Variants in LRP1 observed in about 807,000 individuals in gnomAD.
The protein encoded by LRP1 is LDL receptor related protein 1.
In LRP1, 51 loss-of-function variants were observed where a neutral mutation model predicts 541.5. That is an observed-to-expected ratio of 0.09 (90% CI 0.08 to 0.12). The LOEUF (loss-of-function observed/expected upper bound fraction) is 0.12, where lower values mean the gene tolerates loss of function less well. Ranked by LOEUF, LRP1 falls within the 10% of genes least tolerant of loss-of-function variation. LRP1 has a pLI of 1.00. For synonymous variants in LRP1, 2,219 were observed against 2,470.8 expected (o/e 0.90, Z 3.02); for missense variants, 3,878 against 6,376.2 (o/e 0.61, Z 13.34).
At chr12:57,170,865 G>A (rs1275013696) in intron 20 of LRP1, among the ~76,000 whole-genome samples, 1 of 152,122 alleles carries the variant, frequency 6.6e-6, no homozygotes, top group Non-Finnish European at 1.5e-5. Flanking sequence ...TCTTCCTGCA[G>A]GCCTCATCTG....
chr12:57,194,921 T>G, intron 50 of LRP1, 64 bp from the exon 51 acceptor site: 2 of 1,377,832 alleles, frequency 1.5e-6, no homozygotes, highest in Non-Finnish European at 1.0e-6. Flanking sequence ...TCCCATGGCA[T>G]CAGCCTCCCC....
At position 57,187,316 on chromosome 12, in the gene LRP1, C is replaced by A; in HGVS notation, c.6891C>A (p.Leu2297=). 6.2e-7 allele frequency: 1 copy of A among 1,614,186 alleles called. No individual in the cohort carries two copies. Among genetic ancestry groups the A allele is most frequent in the Non-Finnish European group, 8.5e-7 (1 of 1,180,024 alleles). The change falls in exon 42 of 89, where the codon CTC becomes CTA. Residue 2297 remains leucine (L), a synonymous_variant. Coordinates refer to ENST00000243077, the MANE Select transcript of LRP1 (RefSeq NM_002332.3). Reference sequence around the variant, plus strand: ...CCTATCACCGTGGCTGGGACACTCTCTATTGGACAAGCTACACGACATCCA... The same window carrying A: ...CCTATCACCGTGGCTGGGACACTCTATATTGGACAAGCTACACGACATCCA... The part of the protein sequence containing the change: ...GLAYHRGWDT[L]YWTSYTTSTI...
At chr12:57,176,393 C>T (rs1193186584) in intron 24 of LRP1, among the ~76,000 whole-genome samples, 1 of 152,246 alleles carries the variant, frequency 6.6e-6, no homozygotes, top group Non-Finnish European at 1.5e-5. Context: ...AAAAAAGCCA[C>T]TTAGGAGTGG....
intron 60 of LRP1, among the ~76,000 whole-genome samples, 159 bp downstream of exon 60, chr12:57,198,829 G>A (rs577016881): frequency 1.2e-4 from 19 of 152,292 alleles, no homozygotes; most frequent in African/African-American, 4.3e-4. Flanking sequence ...AGAGCACCCC[G>A]GGGGCTTCCC....
At position 57,194,686 on chromosome 12, in the gene LRP1, C is replaced by T. The variant is rs182309785; in HGVS notation, c.8178C>T (p.Asp2726=). ...DKEDDCEHGE[D]ETHCNKFCSE... ...AGGATGACTGTGAACATGGCGAGGACGAGACCCACTGCAGTGAGTGACCAC... is the reference window on the plus strand; with the variant it reads ...AGGATGACTGTGAACATGGCGAGGATGAGACCCACTGCAGTGAGTGACCAC... The change falls in exon 50 of 89, where the codon GAC becomes GAT. Residue 2726 remains aspartate (D), a synonymous_variant. Coordinates refer to ENST00000243077, the MANE Select transcript of LRP1 (RefSeq NM_002332.3). The T allele has an allele frequency of 5.7e-6, 9 of 1,573,310 alleles. No individual in the cohort carries two copies. Among genetic ancestry groups the T allele is most frequent in the Middle Eastern group, 1.7e-4 (1 of 5,866 alleles).
rs1249752438 is a variant in LRP1, at chr12:57,193,553, C to T, written c.7685-13C>T. 1 of 1,612,662 alleles carries T rather than the reference C, an allele frequency of 6.2e-7. No homozygotes were observed. On this transcript the variant is annotated splice_polypyrimidine_tract_variant and intron_variant, in intron 46 of 88. Coordinates refer to ENST00000243077, the MANE Select transcript of LRP1 (RefSeq NM_002332.3). ...GCCTGTGGCTGACACGCAGCCTACTCCTCCATTTGCAGACTCCCGCCGCTG... is the reference window on the plus strand; with the variant it reads ...GCCTGTGGCTGACACGCAGCCTACTTCTCCATTTGCAGACTCCCGCCGCTG...
Position 57,156,326 on chromosome 12 carries a change from A to G in LRP1, c.1417+43A>G, listed in dbSNP as rs2035619367. 1 of 1,596,610 alleles carries G rather than the reference A, an allele frequency of 6.3e-7. No homozygotes were observed. The highest frequency in any genetic ancestry group is 1.3e-5 in the African/African-American group (1 of 74,564). ...GCCCCTCCAAAGCTGGCTTTACCCC[A>G]TGATGGCTCTGGGACCTTGGGATCA... On this transcript the variant is annotated intron_variant, in intron 9 of 88. Coordinates refer to ENST00000243077, the MANE Select transcript of LRP1 (RefSeq NM_002332.3). The surrounding 1 kb of genome is among the most constrained non-coding windows in gnomAD (Gnocchi z 5.2).
intron 54 of LRP1, 27 bp downstream of exon 54, chr12:57,196,030 G>T (rs369013493): frequency 6.2e-7 from 1 of 1,611,672 alleles, no homozygotes; most frequent in East Asian, 2.2e-5. Flanking sequence ...GCTCCCCTCT[G>T]CCCCCTCCCC....
rs1342709321 is a variant in LRP1, at chr12:57,180,354, G to A, written c.5261G>A (p.Ser1754Asn). ...GGCCTGGCTATTGACTTCCCTGAAA[G>A]CAAACTCTACTGGATCAGCTCCGGG... ...PVGLAIDFPE[S>N]KLYWISSGNH... is the part of the protein sequence containing the mutation. The change falls in exon 32 of 89, where the codon AGC (serine) becomes AAC (asparagine). Residue 1754 changes from serine to asparagine, a missense_variant. Around this residue, in one of 13 missense-constraint regions of LRP1, gnomAD observed 394 missense variants for 635.9 expected, o/e 0.62. Transcript: ENST00000243077. 1 of 1,614,108 alleles carries A rather than the reference G, an allele frequency of 6.2e-7. No individual in the cohort carries two copies. Among genetic ancestry groups the A allele is most frequent in the Admixed American group, 1.7e-5 (1 of 60,024 alleles).
chr12:57,169,198 C>T lies in LRP1; in HGVS notation c.3054C>T (p.Thr1018=). The change falls in exon 20 of 89, where the codon ACC becomes ACT. Residue 1018 remains threonine (T), a synonymous_variant. Transcript: ENST00000243077. ...GCTGCAGCCACTCCTGTTCTAGCAC[C>T]CAGTTCAAGTGCAACAGCGGGCGTT... ...EAGCSHSCSS[T]QFKCNSGRCI... 6.2e-7 allele frequency: 1 copy of T among 1,614,044 alleles called. No individual in the cohort carries two copies. The highest frequency in any genetic ancestry group is 8.5e-7 in the Non-Finnish European group (1 of 1,179,968).
Position 57,185,972 on chromosome 12 carries a change from T to TA in LRP1, c.6841+65dup, listed in dbSNP as rs2036262745. 3 of 1,529,882 alleles carry TA rather than the reference T, an allele frequency of 2.0e-6. No homozygotes were observed. The highest frequency in any genetic ancestry group is 2.0e-5 in the Admixed American group (1 of 50,602). 94.8% of individuals were successfully genotyped at this position (1,529,882 alleles called of 1,614,324 possible). A position where few individuals can be genotyped will look rare whatever the true frequency, so the allele number is the denominator to read the frequency against. ...TGGGGCGGGGAGCAGCACAGACTCT[T>TA]AGACCCCAGCCAGGCACTCTACCCT... is the stretch of plus-strand genomic sequence containing the variant. On this transcript the variant is annotated intron_variant, in intron 41 of 88. Coordinates refer to ENST00000243077, the MANE Select transcript of LRP1 (RefSeq NM_002332.3). This position sits in a 1 kb window ranked among gnomAD's most constrained non-coding sequence, Gnocchi z 4.9.
Position 57,181,158 on chromosome 12 carries a change from C to T in LRP1, c.5529C>T (p.Asp1843=). ...CCTCTGCCTCCCACCTGCCCCCAGA[C>T]CATAAGGGCACCAACCCCTGCAGTG... ...MKVYDESIQL[D]HKGTNPCSVN... Residue 1843 remains aspartate, a splice_region_variant and synonymous_variant, in exon 34 of 89, where the codon GAC becomes GAT. Transcript: ENST00000243077. 1 of 1,613,006 alleles carries T rather than the reference C, an allele frequency of 6.2e-7. No homozygotes were observed. Among genetic ancestry groups the T allele is most frequent in the Non-Finnish European group, 8.5e-7 (1 of 1,179,570 alleles).
intron 46 of LRP1, 130 bp downstream of exon 46, chr12:57,193,434 G>A (rs2036458238): frequency 2.0e-6 from 3 of 1,507,130 alleles, no homozygotes; most frequent in African/African-American, 2.7e-5. Flanking sequence ...CTCATGAAGG[G>A]CAGAACCACT....
chr12:57,154,912 A>C lies in LRP1; in HGVS notation c.1227+211A>C. 1 of 609,268 alleles carries C rather than the reference A, an allele frequency of 1.6e-6. No homozygotes were observed. Among genetic ancestry groups the C allele is most frequent in the Non-Finnish European group, 2.9e-6 (1 of 341,006 alleles). 37.7% of individuals were successfully genotyped at this position (609,268 alleles called of 1,614,324 possible). On this transcript the variant is annotated intron_variant, in intron 8 of 88. Transcript: ENST00000243077. This position sits in a 1 kb window ranked among gnomAD's most constrained non-coding sequence, Gnocchi z 4.6. Reference sequence around the variant, plus strand: ...TGTGATGGGAACAGTCATTTTAGAAACACCACTTCTGTTTACTTCCTGTTT... The same window carrying C: ...TGTGATGGGAACAGTCATTTTAGAACCACCACTTCTGTTTACTTCCTGTTT...
At chr12:57,193,712 A>G in intron 47 of LRP1, 27 bp downstream of exon 47, 1 of 1,613,970 alleles carries the variant, frequency 6.2e-7, no homozygotes, top group Non-Finnish European at 8.5e-7. Flanking sequence ...GGCATAACCC[A>G]TCTGTACCTC....
At chr12:57,210,697 T>TCA in intron 82 of LRP1, 21 bp from the exon 83 acceptor site, 1 of 1,598,120 alleles carries the variant, frequency 6.3e-7, no homozygotes, top group Non-Finnish European at 8.6e-7. Flanking sequence ...ACAGTCGCGC[T>TCA]CACACATCCT....
At position 57,179,446 on chromosome 12, in the gene LRP1, T is replaced by C; in HGVS notation, c.4856T>C (p.Val1619Ala). 1 of 1,614,230 alleles carries C rather than the reference T, an allele frequency of 6.2e-7. No homozygotes were observed. Among genetic ancestry groups the C allele is most frequent in the Non-Finnish European group, 8.5e-7 (1 of 1,180,034 alleles). ...FTVPDIDNVT[V>A]LDYDAREQRV... Reference sequence around the variant, plus strand: ...GTGCCCGACATCGACAACGTCACAGTGCTAGACTACGATGCCCGCGAGCAG... The same window carrying C: ...GTGCCCGACATCGACAACGTCACAGCGCTAGACTACGATGCCCGCGAGCAG... Residue 1619 changes from valine to alanine, a missense_variant, in exon 29 of 89, where the codon GTG becomes GCG. Transcript: ENST00000243077. The surrounding 1 kb of genome is among the most constrained non-coding windows in gnomAD (Gnocchi z 6.8).
intron 32 of LRP1, 61 bp from the exon 33 acceptor site, chr12:57,180,606 C>T: frequency 6.2e-7 from 1 of 1,609,872 alleles, no homozygotes; most frequent in South Asian, 1.1e-5. Context: ...GGCCAATGGG[C>T]CCTTCAGGAG....
intron 24 of LRP1, 131 bp downstream of exon 24, chr12:57,176,237 G>C: frequency 1.2e-6 from 1 of 838,852 alleles, no homozygotes; most frequent in Non-Finnish European, 1.8e-6. Flanking sequence ...TGTTCATTGG[G>C]TTAGATTTTG....
Sources: gnomAD v4.1 joint callset for allele counts (sites outside exome capture counted in the v4.1 genomes callset) on GRCh38, gnomAD v4.1.1 for gene constraint, gnomAD v4.1.1 regional missense constraint, Gnocchi (gnomAD v3.1) non-coding constraint, MANE v1.5 for transcripts, NCBI Gene and HGNC (gene_info 2026-07-23, HGNC 2026-07-21) for gene names.